The following SLC22A15 variants were observed in gnomAD, a reference collection of about 807,000 sequenced individuals.
SLC22A15 encodes flipt 1.
A neutral mutation model predicts 62.7 loss-of-function variants in SLC22A15; 45 were observed. The ratio of observed to expected loss-of-function variants is 0.72; its 90% CI spans 0.56 to 0.92. The LOEUF (loss-of-function observed/expected upper bound fraction) is 0.92. Ranked by LOEUF, SLC22A15 falls within the 40% of genes least tolerant of loss-of-function variation. The pLI is 0.00. For synonymous variants in SLC22A15, 264 were observed against 267.0 expected, an observed-to-expected ratio of 0.99 and a Z score of 0.11; for missense variants, 622 against 665.6, an observed-to-expected ratio of 0.93 and a Z score of 0.72.
At chr1:116,057,338 A>T (rs1255447273) in intron 8 of SLC22A15, among the ~76,000 whole-genome samples, 1 of 151,924 alleles carries the variant, frequency 6.6e-6, no homozygotes, top group East Asian at 1.9e-4. Flanking sequence ...AGAGAAATGC[A>T]AATCAAAACC....
At chr1:116,039,548 GA>G (rs1657728936) in intron 8 of SLC22A15, among the ~76,000 whole-genome samples, 1 of 151,602 alleles carries the variant, frequency 6.6e-6, no homozygotes, top group African/African-American at 2.4e-5. Flanking sequence ...TAAAAAAAAA[GA>G]TTTCCAGGGA....
At chr1:116,002,196 C>T (rs1414396087) in intron 2 of SLC22A15, among the ~76,000 whole-genome samples, 2 of 152,188 alleles carry the variant, frequency 1.3e-5, no homozygotes, top group East Asian at 3.9e-4. Context: ...TCCAAACAAA[C>T]AGCATCTCTC....
At chr1:116,020,281 G>A (rs182263840) in intron 3 of SLC22A15, among the ~76,000 whole-genome samples, 50 of 150,352 alleles carry the variant, frequency 3.3e-4, no homozygotes, top group African/African-American at 1.2e-3. Flanking sequence ...GGCTGGGCGC[G>A]GTGGCTCACG....
intron 2 of SLC22A15, among the ~76,000 whole-genome samples, chr1:115,993,928 C>T (rs764181334): frequency 2.4e-4 from 36 of 152,254 alleles, no homozygotes; most frequent in African/African-American, 5.8e-4. Context: ...AAGCCCTCAC[C>T]GCTTGCCCTG....
chr1:116,037,473 C>T lies in SLC22A15; in HGVS notation c.1171+85C>T, dbSNP rs147893346. 5.2e-4 allele frequency: 512 copies of T among 990,104 alleles called. No homozygotes were observed. Among genetic ancestry groups the T allele is most frequent in the African/African-American group, 4.9e-3 (309 of 62,624 alleles). The allele number at this position is 990,104 out of a possible 1,614,324, so 61.3% of individuals were successfully genotyped here. On this transcript the variant is annotated intron_variant, in intron 8 of 11. Transcript: ENST00000369503. ...ATATAGTGGAGAGATGACCATATGG[C>T]ATGCTTCATTTCTGTGATTGCATAT...
At chr1:116,032,431 A>G (rs1657451580) in intron 6 of SLC22A15, 3 of 985,440 alleles carry the variant, frequency 3.0e-6, no homozygotes, top group Non-Finnish European at 3.6e-6. Flanking sequence ...TGTATTTGCC[A>G]TGAAGCCTGC....
intron 2 of SLC22A15, among the ~76,000 whole-genome samples, chr1:116,011,450 C>A (rs1263521751): frequency 6.6e-6 from 1 of 152,108 alleles, no homozygotes; most frequent in Non-Finnish European, 1.5e-5. Context: ...GCCCGTAAAC[C>A]CACAACCTGA....
intron 8 of SLC22A15, among the ~76,000 whole-genome samples, chr1:116,052,942 C>A (rs1357691868): frequency 4.6e-5 from 7 of 152,022 alleles, no homozygotes; most frequent in Non-Finnish European, 1.0e-4. Flanking sequence ...GTAGATAAAA[C>A]CACAAAGATG....
chr1:116,060,149 C>G (rs752716679), intron 8 of SLC22A15, among the ~76,000 whole-genome samples: 16 of 152,176 alleles, frequency 1.1e-4, no homozygotes, highest in Non-Finnish European at 1.5e-4. Flanking sequence ...CCAGGACAAA[C>G]AGCCCAGCAG....
At chr1:116,034,479 T>G (rs1657558846) in intron 6 of SLC22A15, among the ~76,000 whole-genome samples, 1 of 152,164 alleles carries the variant, frequency 6.6e-6, no homozygotes, top group Non-Finnish European at 1.5e-5. Context: ...GAGCTCCCTG[T>G]TTGTTTCAGG....
chr1:116,035,519 T>G (rs914196058), intron 7 of SLC22A15, among the ~76,000 whole-genome samples, 192 bp downstream of exon 7: 1 of 152,220 alleles, frequency 6.6e-6, no homozygotes, highest in African/African-American at 2.4e-5. Context: ...TTTCTTGAGT[T>G]TCATGTTTAC....
At chr1:116,032,243 G>A (rs568190301) in intron 6 of SLC22A15, 15 of 985,416 alleles carry the variant, frequency 1.5e-5, no homozygotes, top group East Asian at 1.1e-4. Flanking sequence ...TGCATTCAGC[G>A]GTTCAAGATG....
intron 8 of SLC22A15, among the ~76,000 whole-genome samples, chr1:116,041,996 C>T (rs1657801033): frequency 6.6e-6 from 1 of 151,472 alleles, no homozygotes; most frequent in Admixed American, 6.6e-5. Flanking sequence ...AAACAAAACT[C>T]AGAAAGATCA....
At chr1:116,055,578 C>T (rs1658179476) in intron 8 of SLC22A15, among the ~76,000 whole-genome samples, 2 of 148,480 alleles carry the variant, frequency 1.3e-5, no homozygotes, top group Admixed American at 1.3e-4. Flanking sequence ...ATCCTGATAC[C>T]AAAGCCGGGC....
intron 5 of SLC22A15, among the ~76,000 whole-genome samples, chr1:116,030,787 A>C (rs1183053139): frequency 6.6e-6 from 1 of 152,212 alleles, no homozygotes; most frequent in African/African-American, 2.4e-5. Context: ...TAAACACTCA[A>C]AAGTAGCTTT....
At chr1:116,066,829 C>T (rs1658511279) in intron 11 of SLC22A15, 121 bp downstream of exon 11, 3 of 1,050,788 alleles carry the variant, frequency 2.9e-6, no homozygotes. Flanking sequence ...TGGGATCTAA[C>T]AGCAGCTGAT....
intron 2 of SLC22A15, among the ~76,000 whole-genome samples, chr1:116,008,181 A>C (rs1656078415): frequency 6.6e-6 from 1 of 152,134 alleles, no homozygotes; most frequent in Non-Finnish European, 1.5e-5. Context: ...GAGGCACAAA[A>C]TATAATTTTA....
At position 116,066,550 on chromosome 1, in the gene SLC22A15, G is replaced by A. The variant is rs753287915; in HGVS notation, c.1396G>A (p.Val466Ile). The change falls in exon 11 of 12, where the codon GTC becomes ATC. Residue 466 changes from valine (V) to isoleucine (I), a missense_variant. Coordinates refer to ENST00000369503, the MANE Select transcript of SLC22A15 (RefSeq NM_018420.3). ...TGTGCAATGGTCTTTACCATTCATT[G>A]TCTTCGGAGCCACGGGTCTGACCTC... Reference protein sequence around the residue: ...KYVQWSLPFIVFGATGLTSGL... With the variant: ...KYVQWSLPFIIFGATGLTSGL... 1.2e-6 allele frequency: 2 copies of A among 1,606,064 alleles called. No individual in the cohort carries two copies. Among genetic ancestry groups the A allele is most frequent in the East Asian group, 4.5e-5 (2 of 44,600 alleles).
At chr1:116,029,721 A>G (rs951058836) in intron 5 of SLC22A15, among the ~76,000 whole-genome samples, 2 of 152,202 alleles carry the variant, frequency 1.3e-5, no homozygotes, top group African/African-American at 4.8e-5. Context: ...ATGATTTATA[A>G]AGTTTTAAAA....
Sources: gnomAD v4.1 joint callset for allele counts (sites outside exome capture counted in the v4.1 genomes callset) on GRCh38, gnomAD v4.1.1 for gene constraint, MANE v1.5 for transcripts, NCBI Gene and HGNC (gene_info 2026-07-23, HGNC 2026-07-21) for gene names.